Variants in METTL22 observed in about 807,000 individuals in gnomAD.
METTL22 encodes methyltransferase-like protein 22.
In METTL22, 51 loss-of-function variants were observed where a neutral mutation model predicts 48.4. That is an observed-to-expected ratio of 1.05 (90% CI 0.84 to 1.33). The LOEUF is 1.33. METTL22 is among the 40% of genes most tolerant of loss of function. The probability of loss-of-function intolerance (pLI) is 0.00; values close to 1 mark genes in which losing one functional copy is unlikely to be tolerated. For missense variants in METTL22, 678 were observed against 526.9 expected (o/e 1.29, Z -2.81); for synonymous variants, 255 against 214.1 (o/e 1.19, Z -1.67).
intron 3 of METTL22, among the ~76,000 whole-genome samples, chr16:8,630,051 G>A (rs2056202821): frequency 6.6e-6 from 1 of 152,098 alleles, no homozygotes. Flanking sequence ...GCTGTGATTT[G>A]AGGCCGTTCA....
chr16:8,638,825 T>G (rs1335213656), intron 5 of METTL22, among the ~76,000 whole-genome samples: 1 of 152,120 alleles, frequency 6.6e-6, no homozygotes, highest in Non-Finnish European at 1.5e-5. Context: ...TTGCATGTGC[T>G]CGGATGATGT....
chr16:8,624,943 C>A (rs1426564299), intron 1 of METTL22, among the ~76,000 whole-genome samples: 1 of 151,866 alleles, frequency 6.6e-6, no homozygotes, highest in African/African-American at 2.4e-5. Flanking sequence ...TTGATAACAG[C>A]TTCTAGAATA....
At chr16:8,665,868 A>G in the METTL22 span, among the ~76,000 whole-genome samples, 1 of 152,198 alleles carries the variant, frequency 6.6e-6, no homozygotes, top group Non-Finnish European at 1.5e-5. Context: ...AGTATAAGTG[A>G]GTAAATGGAT....
chr16:8,643,747 G>A (rs1351047358), intron 9 of METTL22, among the ~76,000 whole-genome samples: 1 of 152,148 alleles, frequency 6.6e-6, no homozygotes, highest in Non-Finnish European at 1.5e-5. Context: ...CCAAGTAGCT[G>A]GGATTACAGG....
intron 6 of METTL22, chr16:8,639,699 G>GC (rs761293991): frequency 4.2e-4 from 69 of 163,982 alleles, no homozygotes; most frequent in South Asian, 8.1e-4. Context: ...GCGCAGATGG[G>GC]CCTCCGCCTC....
Position 8,644,664 on chromosome 16 carries a change from T to C in METTL22, c.1118T>C (p.Val373Ala). 1 of 1,606,682 alleles carries C rather than the reference T, an allele frequency of 6.2e-7. No individual in the cohort carries two copies. The highest frequency in any genetic ancestry group is 8.5e-7 in the Non-Finnish European group (1 of 1,176,802). Residue 373 changes from valine (V) to alanine (A), a missense_variant, in exon 10 of 11, where the codon GTG becomes GCG. Physicochemically the swap from Val to Ala is moderately conservative, Grantham distance 64. Coordinates refer to ENST00000381920, the MANE Select transcript of METTL22 (RefSeq NM_024109.4). ...CTCGCAGATGGCAAGCTGCGCTTCG[T>C]GGTGGAGCCCGTGGAGGCCTCCTTC... The part of the protein sequence containing the change: ...EQLADGKLRF[V>A]VEPVEASFPQ...
chr16:8,637,384 T>C (rs1641045), intron 5 of METTL22, among the ~76,000 whole-genome samples: 21,079 of 152,292 alleles, frequency 0.14, 1,702 homozygotes, highest in African/African-American at 0.22. Context: ...GCTTCGTCCC[T>C]GGTGCCTAAT....
Position 8,644,594 on chromosome 16 carries a change from G to T in METTL22, c.1048G>T (p.Glu350Ter), listed in dbSNP as rs761634313. The change falls in exon 10 of 11, where the codon GAA becomes TAA. Residue 350 changes from glutamate to a stop codon, truncating the protein, a stop_gained. Coordinates refer to ENST00000381920, the MANE Select transcript of METTL22 (RefSeq NM_024109.4). LOFTEE classifies it high-confidence loss of function. The part of the protein sequence containing the change: ...FTLRHLDVTC[E>*]AYDHFRSCLH... ...ATTGAGACACTTGGACGTCACATGTGAAGCCTACGATCACTTCCGCTCCTG... is the reference window on the plus strand; with the variant it reads ...ATTGAGACACTTGGACGTCACATGTTAAGCCTACGATCACTTCCGCTCCTG... 6.3e-7 allele frequency: 1 copy of T among 1,594,808 alleles called. No homozygotes were observed. The highest frequency in any genetic ancestry group is 1.1e-5 in the South Asian group (1 of 88,488).
intron 6 of METTL22, chr16:8,639,647 G>A: frequency 5.4e-6 from 1 of 186,484 alleles, no homozygotes; most frequent in Non-Finnish European, 1.1e-5. Context: ...TTCCAGCCCT[G>A]CATCCAGCAC....
chr16:8,655,014 A>G, the METTL22 span, among the ~76,000 whole-genome samples: 61 of 152,374 alleles, frequency 4.0e-4, no homozygotes, highest in African/African-American at 1.4e-3. Flanking sequence ...GAGTAACTCA[A>G]ACCTGCTGGG....
chr16:8,627,187 C>A (rs910190075), intron 2 of METTL22, among the ~76,000 whole-genome samples: 1 of 152,144 alleles, frequency 6.6e-6, no homozygotes, highest in African/African-American at 2.4e-5. Context: ...CAGATCAAAT[C>A]ACAGCACTTC....
chr16:8,639,472 C>A, intron 6 of METTL22: 1 of 399,794 alleles, frequency 2.5e-6, no homozygotes, highest in Non-Finnish European at 4.7e-6. Flanking sequence ...CCTCATGAAA[C>A]ATCCAGAGTG....
intron 2 of METTL22, among the ~76,000 whole-genome samples, chr16:8,626,969 G>T (rs534704625): frequency 6.6e-6 from 1 of 151,302 alleles, no homozygotes; most frequent in African/African-American, 2.4e-5. Flanking sequence ...GGGTTTCACC[G>T]TGTTAACCAG....
In METTL22 at chr16:8,647,620, A is replaced by G. The variant is rs1281354947; in HGVS notation, c.*1477A>G. 1 of 152,208 alleles carries G rather than the reference A, an allele frequency of 6.6e-6. No homozygotes were observed. Among genetic ancestry groups the G allele is most frequent in the Non-Finnish European group, 1.5e-5 (1 of 68,046 alleles). 9.4% of individuals were successfully genotyped at this position (152,208 alleles called of 1,614,324 possible). A position where few individuals can be genotyped will look rare whatever the true frequency, so the allele number is the denominator to read the frequency against. ...ATCACGGAGCATCCCCCACAACACAAAATGATCCAGCCCAAAATGTGAGTA... is the reference window on the plus strand; with the variant it reads ...ATCACGGAGCATCCCCCACAACACAGAATGATCCAGCCCAAAATGTGAGTA... On this transcript the variant is annotated 3_prime_UTR_variant, in exon 11 of 11. Coordinates refer to ENST00000381920, the MANE Select transcript of METTL22 (RefSeq NM_024109.4).
the METTL22 span, among the ~76,000 whole-genome samples, chr16:8,657,769 AG>A: frequency 6.6e-6 from 1 of 151,130 alleles, no homozygotes; most frequent in African/African-American, 2.4e-5. Flanking sequence ...TCCTGGATTT[AG>A]GGCGGGTCCT....
intron 1 of METTL22, among the ~76,000 whole-genome samples, chr16:8,625,156 A>G (rs1274580722): frequency 6.6e-6 from 1 of 152,194 alleles, no homozygotes; most frequent in Non-Finnish European, 1.5e-5. Context: ...TAGGGGACAG[A>G]CATTAAATAA....
At chr16:8,652,635 TAGTG>T (rs1204391061), downstream of METTL22, among the ~76,000 whole-genome samples, 17 of 151,498 alleles carry the variant, frequency 1.1e-4, no homozygotes, top group Admixed American at 5.9e-4. Flanking sequence ...CTGGGCAACA[TAGTG>T]AGACCCATTC....
chr16:8,623,928 A>G lies in METTL22; in HGVS notation c.-170-1568A>G, dbSNP rs113313726. On this transcript the variant is annotated intron_variant, in intron 1 of 10. Coordinates refer to ENST00000381920, the MANE Select transcript of METTL22 (RefSeq NM_024109.4). The stretch of plus-strand genomic sequence containing the variant: ...CAGCTCCTATAGGCAGTCAGGGGTT[A>G]CAGGCAGGTTTGGGTCAAATACCTG... 1.3e-4 allele frequency: 20 copies of G among 152,334 alleles called. 2 individuals are homozygous for G. The highest frequency in any genetic ancestry group is 4.8e-4 in the African/African-American group (20 of 41,572). The allele number at this position is 152,334 out of a possible 1,614,324, so 9.4% of individuals were successfully genotyped here. A position where few individuals can be genotyped will look rare whatever the true frequency, so the allele number is the denominator to read the frequency against.
At chr16:8,640,023 T>G (rs2056548426) in intron 6 of METTL22, among the ~76,000 whole-genome samples, 1 of 152,136 alleles carries the variant, frequency 6.6e-6, no homozygotes, top group Non-Finnish European at 1.5e-5. Context: ...GCTTCAGACC[T>G]CCAGATTTGA....
Sources: gnomAD v4.1 joint callset for allele counts (sites outside exome capture counted in the v4.1 genomes callset) on GRCh38, gnomAD v4.1.1 for gene constraint, MANE v1.5 for transcripts, NCBI Gene and HGNC (gene_info 2026-07-23, HGNC 2026-07-21) for gene names.